DGKB: variants seen among roughly 807,000 people sequenced by gnomAD.
The protein encoded by DGKB is 90 kDa diacylglycerol kinase.
In DGKB, 67 loss-of-function variants were observed where a neutral mutation model predicts 114.3. The ratio of observed to expected loss-of-function variants is 0.59; its 90% CI spans 0.48 to 0.72. DGKB has a LOEUF of 0.72. Ranked by LOEUF, DGKB falls within the 30% of genes least tolerant of loss-of-function variation. DGKB has a pLI of 0.00. For synonymous variants in DGKB, 398 were observed against 323.1 expected (o/e 1.23, Z -2.49); for missense variants, 907 against 975.2 (o/e 0.93, Z 0.93).
intron 23 of DGKB, among the ~76,000 whole-genome samples, chr7:14,281,953 T>A (rs1049277798): frequency 1.4e-4 from 19 of 132,034 alleles, no homozygotes; most frequent in Non-Finnish European, 2.5e-4. Flanking sequence ...TTAAAAGAAC[T>A]AGAAAAGCAA....
intron 24 of DGKB, among the ~76,000 whole-genome samples, chr7:14,177,667 T>G (rs1256083422): frequency 6.6e-6 from 1 of 151,856 alleles, no homozygotes; most frequent in Non-Finnish European, 1.5e-5. Context: ...CTTTAGTCCA[T>G]GAAATGATTT....
intron 21 of DGKB, among the ~76,000 whole-genome samples, chr7:14,391,351 C>A (rs1197935594): frequency 6.6e-6 from 1 of 151,936 alleles, no homozygotes; most frequent in Non-Finnish European, 1.5e-5. Context: ...TATTTGATGG[C>A]TGATGTTCTT....
Position 14,630,247 on chromosome 7 carries a change from A to T in DGKB, c.1156T>A (p.Ser386Thr). The change falls in exon 14 of 26, where the codon TCA (serine) becomes ACA (threonine). Residue 386 changes from serine (S) to threonine (T), a missense_variant. Ser to Thr is a moderately conservative substitution (Grantham distance 58). Transcript: ENST00000402815. ...VVLTLPTSGVSVPEERQSTVK... is the reference protein window; with the variant it reads ...VVLTLPTSGVTVPEERQSTVK... ...TTTTGCTTACGCACCTCAGGAACTG[A>T]AACTCCTGAAGTGGGCAGAGTCTGC... 1 of 1,558,644 alleles carries T rather than the reference A, an allele frequency of 6.4e-7. No homozygotes were observed. Among genetic ancestry groups the T allele is most frequent in the Non-Finnish European group, 8.7e-7 (1 of 1,151,274 alleles).
At chr7:14,596,724 GT>G (rs1802643113) in intron 17 of DGKB, among the ~76,000 whole-genome samples, 1 of 152,028 alleles carries the variant, frequency 6.6e-6, no homozygotes, top group Non-Finnish European at 1.5e-5. Flanking sequence ...GTTTTTTACT[GT>G]TTTATTTTTC....
intron 23 of DGKB, among the ~76,000 whole-genome samples, chr7:14,202,593 A>G (rs915763811): frequency 2.0e-5 from 3 of 152,052 alleles, no homozygotes; most frequent in Admixed American, 6.6e-5. Flanking sequence ...TCTTTTAAAT[A>G]GTATAAATAA....
chr7:14,952,922 A>G, intron 1 of DGKB, among the ~76,000 whole-genome samples: 1 of 152,234 alleles, frequency 6.6e-6, no homozygotes, highest in South Asian at 2.1e-4. Context: ...TCACATTTAC[A>G]ATTTGTTTCA....
chr7:14,626,303 A>G (rs1002742723), intron 14 of DGKB, among the ~76,000 whole-genome samples: 2 of 152,226 alleles, frequency 1.3e-5, no homozygotes, highest in African/African-American at 4.8e-5. Flanking sequence ...AACTGGCAGC[A>G]GCAAAGCACC....
chr7:14,236,832 G>A (rs969580160), intron 23 of DGKB, among the ~76,000 whole-genome samples: 2 of 151,686 alleles, frequency 1.3e-5, no homozygotes, highest in African/African-American at 4.8e-5. Flanking sequence ...AATATGTGGT[G>A]AAAACAGTCG....
upstream of DGKB, among the ~76,000 whole-genome samples, chr7:14,907,860 A>T (rs898553621): frequency 6.6e-6 from 1 of 152,206 alleles, no homozygotes; most frequent in Non-Finnish European, 1.5e-5. Flanking sequence ...AGGGGAGAAG[A>T]TATTCAGTCA....
At chr7:14,182,883 C>T (rs149008963) in intron 23 of DGKB, among the ~76,000 whole-genome samples, 301 of 152,212 alleles carry the variant, frequency 2.0e-3, no homozygotes, top group African/African-American at 7.1e-3. Flanking sequence ...TGTAGCATTT[C>T]GCAGAATATA....
At chr7:14,902,054 A>G (rs570223095) in intron 1 of DGKB, among the ~76,000 whole-genome samples, 1 of 152,264 alleles carries the variant, frequency 6.6e-6, no homozygotes, top group Non-Finnish European at 1.5e-5. Flanking sequence ...TTATCATATC[A>G]TCAGTGTGGC....
At chr7:14,685,418 G>T in intron 9 of DGKB, 56 bp from the exon 10 acceptor site, 1 of 1,285,132 alleles carries the variant, frequency 7.8e-7, no homozygotes, top group Non-Finnish European at 1.1e-6. Context: ...AGTGAAAGAT[G>T]TAAGTGCCAA....
rs2128488825 is a variant in DGKB, at chr7:14,301,433, C to T, written c.2122+37082G>A. Among the ~76,000 whole-genome samples the T allele has an allele frequency of 1.3e-5, 2 of 152,198 alleles. 1 individual carries two copies. Among genetic ancestry groups the T allele is most frequent in the Middle Eastern group, 6.8e-3 (2 of 294 alleles). On this transcript the variant is annotated intron_variant, in intron 23 of 25. Coordinates refer to ENST00000402815, the MANE Select transcript of DGKB (RefSeq NM_001350709.2). ...ATTCTATTTTCACAAATACCATACC[C>T]AGTCAAGACATCTTCATGTACTGCA...
chr7:14,283,671 G>A (rs1800341643), intron 23 of DGKB, among the ~76,000 whole-genome samples: 1 of 151,308 alleles, frequency 6.6e-6, no homozygotes, highest in South Asian at 2.1e-4. Flanking sequence ...CAGAGATATA[G>A]ATCAATGGAA....
intron 21 of DGKB, among the ~76,000 whole-genome samples, chr7:14,434,552 C>A (rs1268882422): frequency 6.6e-6 from 1 of 152,100 alleles, no homozygotes; most frequent in Non-Finnish European, 1.5e-5. Context: ...ACAAAAGTAG[C>A]TCCTCCCATA....
At chr7:14,363,273 A>G (rs1206491570) in intron 21 of DGKB, among the ~76,000 whole-genome samples, 1 of 152,160 alleles carries the variant, frequency 6.6e-6, no homozygotes, top group Non-Finnish European at 1.5e-5. Context: ...TATACCAGAC[A>G]CTGTGCTAAA....
intron 23 of DGKB, among the ~76,000 whole-genome samples, chr7:14,246,162 A>G (rs148692669): frequency 0.024 from 3,637 of 152,138 alleles, 125 homozygotes; most frequent in African/African-American, 0.083. Flanking sequence ...TTCTCTATAT[A>G]TTACTGCTTG....
At chr7:14,635,714 T>C (rs559247261) in intron 13 of DGKB, among the ~76,000 whole-genome samples, 2 of 151,640 alleles carry the variant, frequency 1.3e-5, no homozygotes, top group Admixed American at 1.3e-4. Context: ...TGTTTGTGTA[T>C]GTTTGGGACA....
In DGKB at chr7:14,206,575, G is replaced by C. The variant is rs147629233; in HGVS notation, c.2123-28424C>G. Among the ~76,000 whole-genome samples the C allele has an allele frequency of 6.8e-3, 1,039 of 152,058 alleles. 14 individuals carry two copies. Among genetic ancestry groups the C allele is most frequent in the African/African-American group, 0.024 (982 of 41,514 alleles). On this transcript the variant is annotated intron_variant, in intron 23 of 25. Coordinates refer to ENST00000402815, the MANE Select transcript of DGKB (RefSeq NM_001350709.2). ...CCTTATAAATCATGTTAAAGAGTTT[G>C]AACTTACATAAGGGACTGTGGGTCC...
Sources: gnomAD v4.1 joint callset for allele counts (sites outside exome capture counted in the v4.1 genomes callset) on GRCh38, gnomAD v4.1.1 for gene constraint, MANE v1.5 for transcripts, NCBI Gene and HGNC (gene_info 2026-07-23, HGNC 2026-07-21) for gene names.